SSU72: variants seen among roughly 807,000 people sequenced by gnomAD.
The protein encoded by SSU72 is SSU72 homolog, RNA polymerase II CTD phosphatase, also known as RNA polymerase II subunit A C-terminal domain phosphatase SSU72.
In SSU72, 12 loss-of-function variants were observed where a neutral mutation model predicts 22.7. That is an observed-to-expected ratio of 0.53 (90% CI 0.34 to 0.86). The LOEUF is 0.86. SSU72 is among the 40% of genes least tolerant of loss of function. The probability of loss-of-function intolerance (pLI) is 0.02; values close to 1 mark genes in which losing one functional copy is unlikely to be tolerated. For synonymous variants in SSU72, 116 were observed against 98.3 expected, an observed-to-expected ratio of 1.18 and a Z score of -1.06; for missense variants, 151 against 249.8, an observed-to-expected ratio of 0.60 and a Z score of 2.67.
intron 2 of SSU72, among the ~76,000 whole-genome samples, chr1:1,557,468 G>C (rs1053192046): frequency 1.3e-5 from 2 of 148,874 alleles, no homozygotes; most frequent in African/African-American, 5.1e-5. Flanking sequence ...TTTCCTTTTT[G>C]GGAACTATAC....
At chr1:1,551,208 C>T (rs1239095529) in intron 2 of SSU72, among the ~76,000 whole-genome samples, 6 of 152,350 alleles carry the variant, frequency 3.9e-5, no homozygotes, top group Non-Finnish European at 5.9e-5. Context: ...AAGCCACACA[C>T]GTCTCCCAGA....
chr1:1,571,244 C>CAAAAAAAAAAAAA (rs753699933), intron 1 of SSU72, among the ~76,000 whole-genome samples: 3 of 46,864 alleles, frequency 6.4e-5, no homozygotes, highest in Admixed American at 2.6e-4. Flanking sequence ...GACTCCATCT[C>CAAAAAAAAAAAAA]AAAAAAAAAA....
intron 1 of SSU72, among the ~76,000 whole-genome samples, chr1:1,571,849 C>T (rs1441691748): frequency 1.3e-5 from 2 of 151,642 alleles, no homozygotes; most frequent in Non-Finnish European, 2.9e-5. Context: ...GTGCAGTGGC[C>T]GGATCTCAGC....
chr1:1,567,226 C>G (rs924817780), intron 1 of SSU72, among the ~76,000 whole-genome samples: 1 of 152,226 alleles, frequency 6.6e-6, no homozygotes, highest in African/African-American at 2.4e-5. Flanking sequence ...CCACCACACA[C>G]GTCACCCACA....
In SSU72 at chr1:1,554,694, A is replaced by G. The variant is rs7366635; in HGVS notation, c.225-9692T>C. On this transcript the variant is annotated intron_variant, in intron 2 of 4. Coordinates refer to ENST00000291386, the MANE Select transcript of SSU72 (RefSeq NM_014188.3). This position sits in a 1 kb window ranked among gnomAD's most constrained non-coding sequence, Gnocchi z 4.1. ...GGGAACCCACAGGCACTGCCACGCC[A>G]GTGTGGCTGGCACCAGGGACCGCAC... Among the ~76,000 whole-genome samples the G allele has an allele frequency of 0.51, 78,130 of 151,840 alleles. 24,365 individuals carry two copies. Among genetic ancestry groups the G allele is most frequent in the East Asian group, 0.86 (4,459 of 5,156 alleles).
At chr1:1,571,009 G>C (rs534078266) in intron 1 of SSU72, among the ~76,000 whole-genome samples, 1 of 152,262 alleles carries the variant, frequency 6.6e-6, no homozygotes, top group South Asian at 2.1e-4. Flanking sequence ...CACTTTGGGA[G>C]GCCGAGGCGG....
At chr1:1,545,147 C>A in intron 2 of SSU72, 145 bp from the exon 3 acceptor site, 1 of 928,722 alleles carries the variant, frequency 1.1e-6, no homozygotes, top group Non-Finnish European at 1.6e-6. Context: ...TGGGCCATGC[C>A]CTGGTGAGGC....
At chr1:1,565,848 G>A (rs903902782) in intron 1 of SSU72, among the ~76,000 whole-genome samples, 2 of 152,240 alleles carry the variant, frequency 1.3e-5, no homozygotes, top group South Asian at 2.1e-4. Context: ...TCTAGTTCAC[G>A]CAAGGAGAAA....
chr1:1,564,189 T>C (rs1642630363), intron 2 of SSU72: 1 of 209,020 alleles, frequency 4.8e-6, no homozygotes, highest in Non-Finnish European at 9.5e-6. Flanking sequence ...TCCATCAGAA[T>C]CTAGTTTAAG....
chr1:1,545,095 C>T, intron 2 of SSU72, 93 bp from the exon 3 acceptor site: 1 of 1,485,346 alleles, frequency 6.7e-7, no homozygotes. Context: ...CCTTCCCTGC[C>T]CCACAGCAGA....
chr1:1,553,791 C>CAAA (rs33931848), intron 2 of SSU72, among the ~76,000 whole-genome samples: 1 of 106,240 alleles, frequency 9.4e-6, no homozygotes, highest in Non-Finnish European at 2.1e-5. Flanking sequence ...GACTCCGTCT[C>CAAA]AAAAAAAAAA....
chr1:1,556,173 C>T (rs1642518509), intron 2 of SSU72, among the ~76,000 whole-genome samples: 1 of 152,180 alleles, frequency 6.6e-6, no homozygotes, highest in East Asian at 1.9e-4. Context: ...TGGCTCACGC[C>T]TATAATCCCA....
At chr1:1,573,576 A>T (rs1043293648) in intron 1 of SSU72, among the ~76,000 whole-genome samples, 9 of 152,032 alleles carry the variant, frequency 5.9e-5, no homozygotes, top group Admixed American at 3.9e-4. Context: ...CGGCCTCCCA[A>T]AGTGCGGGGA....
intron 2 of SSU72, among the ~76,000 whole-genome samples, chr1:1,551,532 T>G (rs997394616): frequency 6.8e-6 from 1 of 147,604 alleles, no homozygotes; most frequent in African/African-American, 2.6e-5. Flanking sequence ...GTGTGCCAGC[T>G]GCACCAAATG....
intron 2 of SSU72, among the ~76,000 whole-genome samples, chr1:1,551,084 A>G (rs897168265): frequency 6.6e-6 from 1 of 152,018 alleles, no homozygotes; most frequent in Non-Finnish European, 1.5e-5. Flanking sequence ...CTGCACGGGG[A>G]CCTTCCATGT....
At position 1,554,302 on chromosome 1, in the gene SSU72, A is replaced by T. The variant is rs1642492577; in HGVS notation, c.225-9300T>A. On this transcript the variant is annotated intron_variant, in intron 2 of 4. Transcript: ENST00000291386. The surrounding 1 kb of genome is among the most constrained non-coding windows in gnomAD (Gnocchi z 4.1). ...GCTGAGCACGAGACGGATCCGGACC[A>T]CTCGGGGGTCCCCACGAAGCTGAGC... Among the ~76,000 whole-genome samples the T allele has an allele frequency of 6.6e-6, 1 of 151,520 alleles. No homozygotes were observed. The highest frequency in any genetic ancestry group is 6.6e-5 in the Admixed American group (1 of 15,244).
At position 1,542,058 on chromosome 1, in the gene SSU72, C is replaced by A; in HGVS notation, c.*8G>T. On this transcript the variant is annotated 3_prime_UTR_variant, in exon 5 of 5. Transcript: ENST00000291386. The surrounding 1 kb of genome is among the most constrained non-coding windows in gnomAD (Gnocchi z 4.4). The stretch of plus-strand genomic sequence containing the variant: ...AGCTCCAGAGGCGGCTCCATGCGGG[C>A]GCTGGGCTCAGTAGAAGCAGACGGT... 6.4e-7 allele frequency: 1 copy of A among 1,567,602 alleles called. No homozygotes were observed. The highest frequency in any genetic ancestry group is 1.9e-5 in the Admixed American group (1 of 52,680).
intron 3 of SSU72, 50 bp from the exon 4 acceptor site, chr1:1,544,037 C>T: frequency 2.7e-6 from 4 of 1,458,942 alleles, no homozygotes; most frequent in Non-Finnish European, 2.9e-6. Flanking sequence ...AACCAGGGAA[C>T]AGGCAGTCAA....
intron 1 of SSU72, among the ~76,000 whole-genome samples, chr1:1,565,239 G>C (rs926798234): frequency 1.3e-5 from 2 of 152,144 alleles, no homozygotes; most frequent in Non-Finnish European, 2.9e-5. Flanking sequence ...CGGGCGCGGT[G>C]GCGGGCACCT....
Sources: gnomAD v4.1 joint callset for allele counts (sites outside exome capture counted in the v4.1 genomes callset) on GRCh38, gnomAD v4.1.1 for gene constraint, Gnocchi (gnomAD v3.1) non-coding constraint, MANE v1.5 for transcripts, NCBI Gene and HGNC (gene_info 2026-07-23, HGNC 2026-07-21) for gene names.